DOCK1: variants seen among roughly 807,000 people sequenced by gnomAD.
DOCK1 encodes dedicator of cytokinesis 1.
A neutral mutation model predicts 262.7 loss-of-function variants in DOCK1; 138 were observed. The observed-to-expected ratio is 0.53, with a 90% CI of 0.46 to 0.61. DOCK1 has a LOEUF of 0.61. Ranked by LOEUF, DOCK1 falls within the 20% of genes least tolerant of loss-of-function variation. The probability of loss-of-function intolerance (pLI) is 0.00; values close to 1 mark genes in which losing one functional copy is unlikely to be tolerated. For synonymous variants in DOCK1, 866 were observed against 867.4 expected (o/e 1.00, Z 0.03); for missense variants, 1,908 against 2,370.7 (o/e 0.80, Z 4.05).
intron 23 of DOCK1, among the ~76,000 whole-genome samples, chr10:127,103,184 C>T (rs1176025098): frequency 1.1e-4 from 17 of 152,178 alleles, no homozygotes. Context: ...CTTGAAGGGA[C>T]ATTTGGGTTG....
intron 14 of DOCK1, among the ~76,000 whole-genome samples, chr10:127,023,596 G>C (rs1564740407): frequency 6.9e-6 from 1 of 145,682 alleles, no homozygotes; most frequent in Non-Finnish European, 1.5e-5. Context: ...AGGCTGGAGT[G>C]CTGCAGGTGT....
In DOCK1 at chr10:126,990,475, T is replaced by G. The variant is rs760460729; in HGVS notation, c.345T>G (p.Phe115Leu). 6.2e-7 allele frequency: 1 copy of G among 1,611,546 alleles called. No individual in the cohort carries two copies. The highest frequency in any genetic ancestry group is 8.5e-7 in the Non-Finnish European group (1 of 1,178,848). ...QLYVQDNREM[F>L]RSVRHMIYDL... ...TATAGCAAGATAACAGGGAGATGTT[T>G]CGAAGTGTGCGGCACATGATCTATG... The change falls in exon 6 of 52, where the codon TTT becomes TTG. Residue 115 changes from phenylalanine to leucine, a missense_variant. Physicochemically the swap from Phe to Leu is conservative, Grantham distance 22 (BLOSUM62 0). Transcript: ENST00000623213.
rs547905940 is a variant in DOCK1, at chr10:127,156,749, G to C, written c.2847+28985G>C. On this transcript the variant is annotated intron_variant, in intron 27 of 51. Transcript: ENST00000623213. ...ACTCCCGGCTAATTTTGTATTTTTA[G>C]TAGAGACGGGGTTTCTCTATGTTGG... Among the ~76,000 whole-genome samples, 91 of 151,822 alleles carry C rather than the reference G, an allele frequency of 6.0e-4. 1 individual carries two copies. Among genetic ancestry groups the C allele is most frequent in the Non-Finnish European group, 9.1e-4 (62 of 67,950 alleles).
intron 11 of DOCK1, among the ~76,000 whole-genome samples, chr10:127,010,895 A>T (rs2041382032): frequency 1.3e-5 from 2 of 152,242 alleles, no homozygotes; most frequent in African/African-American, 2.4e-5. Context: ...CTAAGTTGAA[A>T]TTACCTGTTG....
chr10:127,090,021 A>G (rs1452316945), intron 23 of DOCK1, among the ~76,000 whole-genome samples: 4 of 152,210 alleles, frequency 2.6e-5, no homozygotes, highest in Non-Finnish European at 5.9e-5. Flanking sequence ...TTGAAAAGCA[A>G]CTGTAGAGAA....
At chr10:127,371,439 T>A (rs1014083380) in intron 33 of DOCK1, among the ~76,000 whole-genome samples, 1 of 152,242 alleles carries the variant, frequency 6.6e-6, no homozygotes, top group African/African-American at 2.4e-5. Context: ...TGTAGCTTCC[T>A]CATTGCCTGT....
rs1016034428 is a variant in DOCK1, at chr10:126,995,064, G to A, written c.474-1684G>A. 6.6e-5 allele frequency among the ~76,000 whole-genome samples: 10 copies of A among 151,202 alleles called. No homozygotes were observed. Among genetic ancestry groups the A allele is most frequent in the East Asian group, 2.0e-4 (1 of 5,128 alleles). On this transcript the variant is annotated intron_variant, in intron 6 of 51. Coordinates refer to ENST00000623213, the MANE Select transcript of DOCK1 (RefSeq NM_001290223.2). This position sits in a 1 kb window ranked among gnomAD's most constrained non-coding sequence, Gnocchi z 5.8. ...GACGGGGTCGTGGCTGGGCAGAGGC[G>A]CTCTTCACATCTCAGACGGGGCGGC...
At chr10:126,908,720 G>A (rs1468543117) in intron 1 of DOCK1, among the ~76,000 whole-genome samples, 1 of 152,192 alleles carries the variant, frequency 6.6e-6, no homozygotes, top group African/African-American at 2.4e-5. Context: ...TTGGTTTTGA[G>A]TTGGTGGGTC....
intron 30 of DOCK1, among the ~76,000 whole-genome samples, chr10:127,343,246 A>G (rs746718132): frequency 2.0e-5 from 3 of 152,206 alleles, no homozygotes; most frequent in Non-Finnish European, 4.4e-5. Context: ...CTCCATCTCA[A>G]TAAAAAAGAG....
At chr10:127,010,141 T>C (rs1330505159) in intron 11 of DOCK1, among the ~76,000 whole-genome samples, 2 of 152,200 alleles carry the variant, frequency 1.3e-5, no homozygotes. Flanking sequence ...CTGTCCAATA[T>C]GGTAACCATT....
At chr10:127,370,948 C>T (rs868604743) in intron 33 of DOCK1, among the ~76,000 whole-genome samples, 6 of 152,190 alleles carry the variant, frequency 3.9e-5, no homozygotes, top group Middle Eastern at 3.2e-3. Flanking sequence ...TTGCTTATTA[C>T]GTGAGTGAGC....
intron 23 of DOCK1, among the ~76,000 whole-genome samples, chr10:127,101,680 C>T (rs548821960): frequency 6.6e-6 from 1 of 152,312 alleles, no homozygotes; most frequent in East Asian, 1.9e-4. Context: ...CCGATTCACA[C>T]AGTGTCCGGC....
chr10:126,955,070 T>G (rs1245122168), intron 1 of DOCK1, among the ~76,000 whole-genome samples: 1 of 152,242 alleles, frequency 6.6e-6, no homozygotes, highest in Admixed American at 6.5e-5. Context: ...CCAACATTTG[T>G]TATTTATTTA....
At chr10:127,034,292 CAGAG>C (rs142654902) in intron 18 of DOCK1, among the ~76,000 whole-genome samples, 2 of 151,796 alleles carry the variant, frequency 1.3e-5, no homozygotes, top group African/African-American at 4.8e-5. Flanking sequence ...TGGCCGCAGG[CAGAG>C]AGAGAGAGAA....
chr10:127,204,808 G>C (rs1338291719), intron 27 of DOCK1, among the ~76,000 whole-genome samples: 5 of 152,160 alleles, frequency 3.3e-5, no homozygotes, highest in Non-Finnish European at 7.3e-5. Flanking sequence ...ATGTGGCTTT[G>C]AGAGGCCGTG....
At chr10:127,347,681 T>TGTTTCTCGG (rs2063696838) in intron 31 of DOCK1, among the ~76,000 whole-genome samples, 1 of 150,352 alleles carries the variant, frequency 6.7e-6, no homozygotes, top group Admixed American at 6.6e-5. Flanking sequence ...TGCACCTGTC[T>TGTTTCTCGG]GTTTCTCGGG....
chr10:127,291,597 TGA>T (rs1343517176), intron 29 of DOCK1, among the ~76,000 whole-genome samples: 2 of 152,172 alleles, frequency 1.3e-5, no homozygotes, highest in Non-Finnish European at 2.9e-5. Flanking sequence ...TGTGAGAACC[TGA>T]GAGGGAAGGA....
intron 5 of DOCK1, 33 bp downstream of exon 5, chr10:126,987,650 A>T (rs950322719): frequency 2.6e-6 from 4 of 1,516,500 alleles, no homozygotes; most frequent in African/African-American, 1.4e-5. Context: ...CAAAGCTTAG[A>T]AATAGAGAGT....
At chr10:127,305,356 C>T (rs962268648) in intron 29 of DOCK1, among the ~76,000 whole-genome samples, 15 of 152,270 alleles carry the variant, frequency 9.9e-5, no homozygotes, top group Admixed American at 7.9e-4. Flanking sequence ...CTAGGGGAGC[C>T]TGTCACTGGT....
Sources: gnomAD v4.1 joint callset for allele counts (sites outside exome capture counted in the v4.1 genomes callset) on GRCh38, gnomAD v4.1.1 for gene constraint, Gnocchi (gnomAD v3.1) non-coding constraint, MANE v1.5 for transcripts, NCBI Gene and HGNC (gene_info 2026-07-23, HGNC 2026-07-21) for gene names.